The following LRRC75A variants were observed in gnomAD, a reference collection of about 807,000 sequenced individuals.
The protein encoded by LRRC75A is leucine rich repeat containing 75A.
LRRC75A carries 12 observed loss-of-function variants against 26.0 expected under a neutral mutation model. The observed-to-expected ratio is 0.46, with a 90% CI of 0.30 to 0.75. The LOEUF (loss-of-function observed/expected upper bound fraction) is 0.75. Ranked by LOEUF, LRRC75A falls within the 30% of genes least tolerant of loss-of-function variation. LRRC75A has a pLI of 0.08. For synonymous variants in LRRC75A, 223 were observed against 219.3 expected (o/e 1.02, Z -0.15); for missense variants, 410 against 486.6 (o/e 0.84, Z 1.48).
intron 1 of LRRC75A, among the ~76,000 whole-genome samples, chr17:16,477,861 C>T (rs1401048218): frequency 6.6e-6 from 1 of 151,996 alleles, no homozygotes; most frequent in Non-Finnish European, 1.5e-5. Context: ...CTGGGAGGGG[C>T]CTATACCTGG....
chr17:16,478,500 A>AG (rs1601197404), intron 1 of LRRC75A: 1 of 152,138 alleles, frequency 6.6e-6, no homozygotes, highest in African/African-American at 2.4e-5. Context: ...ATTTTCTAAA[A>AG]GAGTCTAATT....
Position 16,492,114 on chromosome 17 carries a change from C to CGCGGGCGTCGCGGGGGCGG in LRRC75A, c.-143_-125dup, listed in dbSNP as rs1181756086. 20 of 807,688 alleles carry CGCGGGCGTCGCGGGGGCGG rather than the reference C, an allele frequency of 2.5e-5. No homozygotes were observed. The highest frequency in any genetic ancestry group is 6.0e-5 in the Admixed American group (1 of 16,692). 50.0% of individuals were successfully genotyped at this position (807,688 alleles called of 1,614,324 possible). A position where few individuals can be genotyped will look rare whatever the true frequency, so the allele number is the denominator to read the frequency against. ...CTGCAACTTTGGGGGAACTGTTGCG[C>CGCGGGCGTCGCGGGGGCGG]GCGGGCGTCGCGGGGGCGGGCGGGC... is the stretch of plus-strand genomic sequence containing the variant. On this transcript the variant is annotated 5_prime_UTR_variant, in exon 1 of 4. Transcript: ENST00000470794.
chr17:16,443,405 C>CAAGTTTT lies in LRRC75A; in HGVS notation c.*182_*183insAAAACTT. ...GGGATAGGGGGCAGATGCAGAGGAC[C>CAAGTTTT]AACGGGAAGTTTTAACACAAATCCC... On this transcript the variant is annotated 3_prime_UTR_variant, in exon 4 of 4. Coordinates refer to ENST00000470794, the MANE Select transcript of LRRC75A (RefSeq NM_001113567.3). 1.8e-6 allele frequency: 1 copy of CAAGTTTT among 567,340 alleles called. No homozygotes were observed. The highest frequency in any genetic ancestry group is 3.2e-5 in the Admixed American group (1 of 31,624). 35.1% of individuals were successfully genotyped at this position (567,340 alleles called of 1,614,324 possible).
In LRRC75A at chr17:16,476,874, G is replaced by C. The variant is rs2143382231; in HGVS notation, c.247-14488C>G. ...CTGCCTCAGCCTCCCAAGTAGCTGG[G>C]ACCACAGGCGCCCACCACCACGCCT... On this transcript the variant is annotated intron_variant, in intron 1 of 3. Transcript: ENST00000470794. 1.3e-5 allele frequency among the ~76,000 whole-genome samples: 2 copies of C among 151,858 alleles called. 1 individual carries two copies. Among genetic ancestry groups the C allele is most frequent in the South Asian group, 4.2e-4 (2 of 4,800 alleles).
At chr17:16,465,766 C>G (rs7220262) in intron 1 of LRRC75A, among the ~76,000 whole-genome samples, 17,546 of 152,316 alleles carry the variant, frequency 0.12, 1,101 homozygotes, top group African/African-American at 0.13. Context: ...CCGCGCCATC[C>G]CCCTGGTTGC....
chr17:16,446,160 G>T (rs12947945), intron 3 of LRRC75A, among the ~76,000 whole-genome samples: 1 of 152,118 alleles, frequency 6.6e-6, no homozygotes, highest in Non-Finnish European at 1.5e-5. Context: ...CCGCCCATCT[G>T]GGCCTCCCAA....
In LRRC75A at chr17:16,461,285, C is replaced by T. The variant is rs571966530; in HGVS notation, c.375+973G>A. ...CATCTCACTCCCGGCCTAGATCCTACACCAAAAGGAAAAACTTCCCTCCCA... is the reference window on the plus strand; with the variant it reads ...CATCTCACTCCCGGCCTAGATCCTATACCAAAAGGAAAAACTTCCCTCCCA... On this transcript the variant is annotated intron_variant, in intron 2 of 3. Coordinates refer to ENST00000470794, the MANE Select transcript of LRRC75A (RefSeq NM_001113567.3). The T allele has an allele frequency of 2.6e-5, 4 of 152,410 alleles. No homozygotes were observed. The South Asian group carries it at 8.3e-4, about 32-fold the overall frequency. The allele number at this position is 152,410 out of a possible 1,614,324, so 9.4% of individuals were successfully genotyped here.
rs1189708392 is a variant in LRRC75A, at chr17:16,491,670, A to AGGGATGGGGCGCCCCCCCC, written c.246+56_246+74dup. On this transcript the variant is annotated intron_variant, in intron 1 of 3. Coordinates refer to ENST00000470794, the MANE Select transcript of LRRC75A (RefSeq NM_001113567.3). The surrounding 1 kb of genome is among the most constrained non-coding windows in gnomAD (Gnocchi z 5.9). Reference sequence around the variant, plus strand: ...CTCGGTGCCCCCGGCTTCCTCGGTTAGGGATGGGGCGCCCCCCCCGGCCCA... The same window carrying AGGGATGGGGCGCCCCCCCC: ...CTCGGTGCCCCCGGCTTCCTCGGTTAGGGATGGGGCGCCCCCCCCGGGATGGGGCGCCCCCCCCGGCCCA... The AGGGATGGGGCGCCCCCCCC allele has an allele frequency of 1.8e-5, 20 of 1,114,504 alleles. No homozygotes were observed. Among genetic ancestry groups the AGGGATGGGGCGCCCCCCCC allele is most frequent in the Non-Finnish European group, 2.2e-5 (19 of 876,680 alleles). 69.0% of individuals were successfully genotyped at this position (1,114,504 alleles called of 1,614,324 possible).
In LRRC75A at chr17:16,459,421, CAG is replaced by C. The variant is rs963069547; in HGVS notation, c.375+2835_375+2836del. On this transcript the variant is annotated intron_variant, in intron 2 of 3. Coordinates refer to ENST00000470794, the MANE Select transcript of LRRC75A (RefSeq NM_001113567.3). Reference sequence around the variant, plus strand: ...GCAACTCAGACAGAAGAGGCTGGAGCAGTCAAAGGGAGCAGCGACGTCCCTAA... The same window carrying C: ...GCAACTCAGACAGAAGAGGCTGGAGCTCAAAGGGAGCAGCGACGTCCCTAA... 1.3e-3 allele frequency among the ~76,000 whole-genome samples: 193 copies of C among 152,252 alleles called. 1 individual carries two copies. Among genetic ancestry groups the C allele is most frequent in the African/African-American group, 4.3e-3 (179 of 41,538 alleles).
chr17:16,474,773 T>A (rs2093815599), intron 1 of LRRC75A, among the ~76,000 whole-genome samples: 1 of 151,850 alleles, frequency 6.6e-6, no homozygotes. Context: ...GGCAGGTGGA[T>A]CACGAGGTCA....
chr17:16,488,619 C>T (rs182747487), intron 1 of LRRC75A, among the ~76,000 whole-genome samples: 1 of 152,338 alleles, frequency 6.6e-6, no homozygotes, highest in African/African-American at 2.4e-5. Context: ...AAGGTCACAG[C>T]TGACTGAGGA....
rs2093732460 is a variant in LRRC75A at position 16,462,181 on chromosome 17, G to T, written c.375+77C>A. ...GGGCCTGTCTGCCAGTCCTCCTTGG[G>T]CATACAGCTGCTCTGCCCAGAAAGG... On this transcript the variant is annotated intron_variant, in intron 2 of 3. Transcript: ENST00000470794. This position sits in a 1 kb window ranked among gnomAD's most constrained non-coding sequence, Gnocchi z 4.6. The T allele has an allele frequency of 6.4e-7, 1 of 1,556,174 alleles. No individual in the cohort carries two copies.
At chr17:16,465,732 G>GAT (rs2093762960) in intron 1 of LRRC75A, among the ~76,000 whole-genome samples, 1 of 152,190 alleles carries the variant, frequency 6.6e-6, no homozygotes, top group Non-Finnish European at 1.5e-5. Flanking sequence ...TGTCCTTTCC[G>GAT]GAGCCCACTC....
chr17:16,484,206 T>A (rs2093841011), intron 1 of LRRC75A, among the ~76,000 whole-genome samples: 1 of 151,908 alleles, frequency 6.6e-6, no homozygotes. Context: ...CATGGTGGTG[T>A]GCGCATATAA....
At chr17:16,456,182 GAAGAGGA>G (rs1257456141) in intron 2 of LRRC75A, among the ~76,000 whole-genome samples, 6 of 114,458 alleles carry the variant, frequency 5.2e-5, no homozygotes, top group African/African-American at 1.9e-4. Flanking sequence ...GTAGGAGGAG[GAAGAGGA>G]GGAAGGAGGA....
Position 16,462,717 on chromosome 17 carries a change from C to T in LRRC75A, c.247-331G>A, listed in dbSNP as rs1294578567. 3 of 295,870 alleles carry T rather than the reference C, an allele frequency of 1.0e-5. No individual in the cohort carries two copies. Among genetic ancestry groups the T allele is most frequent in the African/African-American group, 6.5e-5 (3 of 45,922 alleles). The allele number at this position is 295,870 out of a possible 1,614,324, so 18.3% of individuals were successfully genotyped here. On this transcript the variant is annotated intron_variant, in intron 1 of 3. Transcript: ENST00000470794. This position sits in a 1 kb window ranked among gnomAD's most constrained non-coding sequence, Gnocchi z 4.6. ...GGGTGGCCTGCCTCGGTGCAAGCAG[C>T]TGCTTCTCTATGGTGGCAAAATTTG... is the stretch of plus-strand genomic sequence containing the variant.
intron 2 of LRRC75A, among the ~76,000 whole-genome samples, chr17:16,453,271 A>G (rs916241649): frequency 2.0e-5 from 3 of 152,050 alleles, no homozygotes; most frequent in Non-Finnish European, 4.4e-5. Flanking sequence ...CCTGGGCGCC[A>G]GAGTGGGACT....
At chr17:16,465,001 G>C (rs931932650) in intron 1 of LRRC75A, among the ~76,000 whole-genome samples, 5 of 152,356 alleles carry the variant, frequency 3.3e-5, no homozygotes, top group Non-Finnish European at 4.4e-5. Context: ...CAGGGAGCTG[G>C]AGAAGGAGGG....
chr17:16,458,313 GAAAGAAAGA>G (rs2093701135), intron 2 of LRRC75A, among the ~76,000 whole-genome samples: 2 of 151,950 alleles, frequency 1.3e-5, no homozygotes, highest in Admixed American at 6.6e-5. Flanking sequence ...TCAAAAGAAA[GAAAGAAAGA>G]AAAGAAAGGA....
Sources: gnomAD v4.1 joint callset for allele counts (sites outside exome capture counted in the v4.1 genomes callset) on GRCh38, gnomAD v4.1.1 for gene constraint, Gnocchi (gnomAD v3.1) non-coding constraint, MANE v1.5 for transcripts, NCBI Gene and HGNC (gene_info 2026-07-23, HGNC 2026-07-21) for gene names.